Variants in MPHOSPH9 observed in about 807,000 individuals in gnomAD.
The protein encoded by MPHOSPH9 is M-phase phosphoprotein 9.
In MPHOSPH9, 88 loss-of-function variants were observed where a neutral mutation model predicts 145.5. The observed-to-expected ratio is 0.60, with a 90% CI of 0.51 to 0.72. MPHOSPH9 has a LOEUF of 0.72. Among genes scored for constraint, MPHOSPH9 ranks in the 30% least tolerant of loss-of-function variants. The probability of loss-of-function intolerance (pLI) is 0.00; values close to 1 mark genes in which losing one functional copy is unlikely to be tolerated. For synonymous variants in MPHOSPH9, 435 were observed against 486.2 expected (o/e 0.89, Z 1.39); for missense variants, 1,238 against 1,386.6 (o/e 0.89, Z 1.70).
Position 123,202,223 on chromosome 12 carries a change from C to T in MPHOSPH9, c.1878G>A (p.Glu626=). 6.2e-7 allele frequency: 1 copy of T among 1,613,216 alleles called. No individual in the cohort carries two copies. Among genetic ancestry groups the T allele is most frequent in the Non-Finnish European group, 8.5e-7 (1 of 1,179,776 alleles). The part of the protein sequence containing the change: ...SEINSLKQKL[E]AKEISGVEDW... ...CTTCAACTCCAGAGATTTCTTTTGC[C>T]TCCAGCTTCTGTTTCAAACTATTTA... Residue 626 remains glutamate (E), a synonymous_variant, in exon 11 of 24, where the codon GAG becomes GAA. Transcript: ENST00000606320.
chr12:123,224,951 T>C (rs995923968), intron 3 of MPHOSPH9, among the ~76,000 whole-genome samples: 3 of 152,186 alleles, frequency 2.0e-5, no homozygotes, highest in Non-Finnish European at 4.4e-5. Flanking sequence ...GACTACTTCA[T>C]TATGTCTTCT....
At chr12:123,176,914 G>A (rs1024795455) in intron 15 of MPHOSPH9, 125 bp from the exon 16 acceptor site, 47 of 705,622 alleles carry the variant, frequency 6.7e-5, no homozygotes, top group Admixed American at 1.7e-4. Context: ...GTCCATGGCC[G>A]GGAATGGTGG....
At chr12:123,152,364 A>G (rs1373182369), downstream of MPHOSPH9, 1 of 336,376 alleles carries the variant, frequency 3.0e-6, no homozygotes, top group Non-Finnish European at 5.9e-6. Flanking sequence ...GTAGTGCAAG[A>G]AAGAGAGATG....
chr12:123,241,327 T>G (rs12817168), intron 1 of MPHOSPH9, among the ~76,000 whole-genome samples: 1 of 151,766 alleles, frequency 6.6e-6, no homozygotes, highest in Non-Finnish European at 1.5e-5. Context: ...TATTTTACTG[T>G]TTTTTGTTGT....
chr12:123,235,862 G>A (rs1256338121), upstream of MPHOSPH9, among the ~76,000 whole-genome samples: 3 of 151,620 alleles, frequency 2.0e-5, no homozygotes, highest in African/African-American at 7.3e-5. Flanking sequence ...TCAGGAGTTC[G>A]AGACCAGCCT....
At chr12:123,172,386 G>A (rs1349330420) in intron 16 of MPHOSPH9, among the ~76,000 whole-genome samples, 1 of 151,272 alleles carries the variant, frequency 6.6e-6, no homozygotes, top group African/African-American at 2.4e-5. Context: ...AGGCTGGAAT[G>A]CAGTGGTGTA....
rs2043841715 is a variant in MPHOSPH9, at chr12:123,155,449, T to G, written c.*1358A>C. ...CATTTGAGAGCCTGCTTGGAATAAC[T>G]GGGATGGCTTGGTTCATTCTAACTA... On this transcript the variant is annotated 3_prime_UTR_variant, in exon 24 of 24. Coordinates refer to ENST00000606320, the MANE Select transcript of MPHOSPH9 (RefSeq NM_022782.4). The G allele has an allele frequency of 6.6e-6, 1 of 152,174 alleles. No individual in the cohort carries two copies. The highest frequency in any genetic ancestry group is 2.1e-4 in the South Asian group (1 of 4,830). The allele number at this position is 152,174 out of a possible 1,614,324, so 9.4% of individuals were successfully genotyped here. A position where few individuals can be genotyped will look rare whatever the true frequency, so the allele number is the denominator to read the frequency against.
intron 1 of MPHOSPH9, among the ~76,000 whole-genome samples, chr12:123,232,382 A>T (rs189709287): frequency 1.2e-4 from 19 of 152,170 alleles, no homozygotes; most frequent in South Asian, 2.1e-4. Context: ...TGCAAAAAAA[A>T]ATTTTTTTAA....
At chr12:123,172,751 C>T (rs1402372094) in intron 16 of MPHOSPH9, among the ~76,000 whole-genome samples, 3 of 152,200 alleles carry the variant, frequency 2.0e-5, no homozygotes. Context: ...CATGTGGCCC[C>T]ACAGGCTGGG....
intron 2 of MPHOSPH9, 29 bp downstream of exon 2, chr12:123,230,232 G>T: frequency 4.2e-6 from 5 of 1,181,660 alleles, no homozygotes; most frequent in Non-Finnish European, 6.0e-6. Context: ...ATTCTGATTT[G>T]GTACATTTTT....
chr12:123,204,439 T>C (rs1403143672), intron 8 of MPHOSPH9, among the ~76,000 whole-genome samples: 3 of 152,208 alleles, frequency 2.0e-5, no homozygotes, highest in Non-Finnish European at 4.4e-5. Context: ...GTTACAATCA[T>C]GTTTGTTAAA....
intron 6 of MPHOSPH9, 91 bp from the exon 7 acceptor site, chr12:123,214,925 G>A (rs887398217): frequency 1.4e-5 from 15 of 1,054,420 alleles, no homozygotes; most frequent in Non-Finnish European, 2.2e-5. Context: ...CAAACCAGGT[G>A]GGGAGAAACC....
intron 4 of MPHOSPH9, among the ~76,000 whole-genome samples, chr12:123,222,098 G>A (rs2047223872): frequency 6.6e-6 from 1 of 152,028 alleles, no homozygotes; most frequent in Non-Finnish European, 1.5e-5. Context: ...ACTTTGGGAG[G>A]CCGAGGTGGG....
rs2043841779 is a variant in MPHOSPH9, at chr12:123,155,453, A to C, written c.*1354T>G. 6.6e-6 allele frequency: 1 copy of C among 152,168 alleles called. No homozygotes were observed. Among genetic ancestry groups the C allele is most frequent in the Non-Finnish European group, 1.5e-5 (1 of 68,036 alleles). 9.4% of individuals were successfully genotyped at this position (152,168 alleles called of 1,614,324 possible). A position where few individuals can be genotyped will look rare whatever the true frequency, so the allele number is the denominator to read the frequency against. On this transcript the variant is annotated 3_prime_UTR_variant, in exon 24 of 24. Coordinates refer to ENST00000606320, the MANE Select transcript of MPHOSPH9 (RefSeq NM_022782.4). The stretch of plus-strand genomic sequence containing the variant: ...TGAGAGCCTGCTTGGAATAACTGGG[A>C]TGGCTTGGTTCATTCTAACTACTTA...
rs1281932449 is a variant in MPHOSPH9 at position 123,157,656 on chromosome 12, AT to A, written c.3451-749del. Among the ~76,000 whole-genome samples the A allele has an allele frequency of 2.4e-3, 348 of 145,578 alleles. 1 individual carries two copies. Among genetic ancestry groups the A allele is most frequent in the African/African-American group, 7.2e-3 (286 of 39,720 alleles). On this transcript the variant is annotated intron_variant, in intron 23 of 23. Transcript: ENST00000606320. ...CCACCACACCTGGCTGATTTTAAACATTTTTTTTTTTGCAGAGACAAGATCT... is the reference window on the plus strand; with the variant it reads ...CCACCACACCTGGCTGATTTTAAACATTTTTTTTTTGCAGAGACAAGATCT...
chr12:123,178,130 C>G (rs540084386), intron 15 of MPHOSPH9, among the ~76,000 whole-genome samples: 2 of 152,160 alleles, frequency 1.3e-5, no homozygotes, highest in Non-Finnish European at 2.9e-5. Context: ...CAGCCTCAAA[C>G]CCCTGTGCTT....
At chr12:123,181,998 C>A (rs1323706537) in intron 13 of MPHOSPH9, among the ~76,000 whole-genome samples, 1 of 151,646 alleles carries the variant, frequency 6.6e-6, no homozygotes, top group Admixed American at 6.6e-5. Flanking sequence ...TGTCGCCAGG[C>A]TGGAGTACAG....
At chr12:123,158,186 C>T (rs185323000) in intron 23 of MPHOSPH9, among the ~76,000 whole-genome samples, 4 of 152,164 alleles carry the variant, frequency 2.6e-5, no homozygotes, top group Admixed American at 2.6e-4. Context: ...GACAGGGTTT[C>T]GCCATATTGG....
chr12:123,192,578 G>A (rs1322595179), intron 13 of MPHOSPH9, among the ~76,000 whole-genome samples: 2 of 126,816 alleles, frequency 1.6e-5, no homozygotes, highest in Non-Finnish European at 3.1e-5. Flanking sequence ...TCAGTAAGCT[G>A]TGATCGCACC....
Sources: allele counts gnomAD v4.1 joint callset (sites outside exome capture counted in the v4.1 genomes callset), GRCh38; gene constraint gnomAD v4.1.1; transcripts MANE v1.5; gene names NCBI Gene and HGNC (gene_info 2026-07-23, HGNC 2026-07-21).